Variants in CRPPA observed in about 807,000 individuals in gnomAD.
CRPPA encodes the protein D-ribitol-5-phosphate cytidylyltransferase.
CRPPA carries 43 observed loss-of-function variants against 52.0 expected under a neutral mutation model. The ratio of observed to expected loss-of-function variants is 0.83; its 90% CI spans 0.65 to 1.07. The LOEUF is 1.07. CRPPA is among the 50% of genes least tolerant of loss of function. The pLI, the probability that CRPPA is intolerant of heterozygous loss-of-function variation, is 0.00. For missense variants in CRPPA, 629 were observed against 551.7 expected, an observed-to-expected ratio of 1.14 and a Z score of -1.40; for synonymous variants, 250 against 203.5, an observed-to-expected ratio of 1.23 and a Z score of -1.94.
At chr7:16,214,199 T>C (rs1232499739) in intron 9 of CRPPA, among the ~76,000 whole-genome samples, 1 of 152,226 alleles carries the variant, frequency 6.6e-6, no homozygotes, top group African/African-American at 2.4e-5. Flanking sequence ...ATTTGGGACA[T>C]ACGCTAAAAA....
At chr7:16,199,166 T>C (rs1325359169) in intron 9 of CRPPA, among the ~76,000 whole-genome samples, 1 of 152,150 alleles carries the variant, frequency 6.6e-6, no homozygotes, top group African/African-American at 2.4e-5. Context: ...ACTGGACCAG[T>C]GGTTCTCAAC....
intron 2 of CRPPA, among the ~76,000 whole-genome samples, chr7:16,385,536 C>T (rs1041185474): frequency 1.3e-5 from 2 of 152,148 alleles, no homozygotes; most frequent in Non-Finnish European, 2.9e-5. Flanking sequence ...ACCAGTATTT[C>T]ACACATGAAA....
chr7:16,332,761 A>C (rs1369798889), intron 3 of CRPPA, among the ~76,000 whole-genome samples: 4 of 152,188 alleles, frequency 2.6e-5, no homozygotes, highest in Non-Finnish European at 5.9e-5. Context: ...TATATAAAAT[A>C]GTTTAAAAAT....
At chr7:16,348,983 A>G (rs1786082828) in intron 3 of CRPPA, among the ~76,000 whole-genome samples, 1 of 152,042 alleles carries the variant, frequency 6.6e-6, no homozygotes, top group South Asian at 2.1e-4. Flanking sequence ...ATATAACAGG[A>G]CCCCTTCCAG....
At chr7:16,329,565 C>T (rs1410360627) in intron 3 of CRPPA, among the ~76,000 whole-genome samples, 3 of 152,192 alleles carry the variant, frequency 2.0e-5, no homozygotes, top group East Asian at 1.9e-4. Context: ...GACACATTTA[C>T]GTCAATCTGA....
chr7:16,196,116 A>C (rs1455126389), intron 9 of CRPPA, among the ~76,000 whole-genome samples: 2 of 152,190 alleles, frequency 1.3e-5, no homozygotes, highest in Admixed American at 6.5e-5. Flanking sequence ...TGTGTATAGA[A>C]ATATAGAACA....
chr7:16,179,358 T>C (rs1181316027), intron 9 of CRPPA, among the ~76,000 whole-genome samples: 1 of 152,150 alleles, frequency 6.6e-6, no homozygotes, highest in Non-Finnish European at 1.5e-5. Flanking sequence ...ATGAAAATGT[T>C]GTCACGCACA....
chr7:16,414,401 A>ACC (rs1554367561), intron 1 of CRPPA, among the ~76,000 whole-genome samples: 72 of 134,724 alleles, frequency 5.3e-4, no homozygotes, highest in Middle Eastern at 3.8e-3. Flanking sequence ...ACACACACAC[A>ACC]CCCCATGACA....
intron 6 of CRPPA, among the ~76,000 whole-genome samples, chr7:16,261,613 A>G (rs1186381116): frequency 6.6e-6 from 1 of 151,936 alleles, no homozygotes; most frequent in African/African-American, 2.4e-5. Context: ...TTTTAAGAAA[A>G]GCCGTAACAT....
At chr7:16,094,975 T>A in intron 9 of CRPPA, among the ~76,000 whole-genome samples, 1 of 152,150 alleles carries the variant, frequency 6.6e-6, no homozygotes, top group Middle Eastern at 3.4e-3. Flanking sequence ...TATGGAAATC[T>A]CACTAAACTA....
chr7:16,279,618 G>A (rs901139007), intron 5 of CRPPA, among the ~76,000 whole-genome samples: 1 of 152,218 alleles, frequency 6.6e-6, no homozygotes, highest in African/African-American at 2.4e-5. Flanking sequence ...TCATTGTGGA[G>A]AGAGAAACTG....
intron 3 of CRPPA, among the ~76,000 whole-genome samples, chr7:16,321,079 C>A (rs1313948935): frequency 2.6e-5 from 4 of 152,144 alleles, no homozygotes; most frequent in Non-Finnish European, 5.9e-5. Flanking sequence ...TCAAATTTTT[C>A]TAGCCCCACC....
chr7:16,343,104 A>G (rs1036734838), intron 3 of CRPPA, among the ~76,000 whole-genome samples: 6 of 152,054 alleles, frequency 3.9e-5, no homozygotes, highest in African/African-American at 1.4e-4. Context: ...ATAATAAGTT[A>G]CATTTTACGG....
intron 3 of CRPPA, among the ~76,000 whole-genome samples, chr7:16,361,025 C>T (rs1371665230): frequency 6.6e-6 from 1 of 152,024 alleles, no homozygotes; most frequent in Non-Finnish European, 1.5e-5. Context: ...CAAAAAATAA[C>T]CACCCAATTT....
At chr7:16,408,579 T>G (rs1250890552) in intron 1 of CRPPA, among the ~76,000 whole-genome samples, 4 of 152,148 alleles carry the variant, frequency 2.6e-5, no homozygotes, top group African/African-American at 9.7e-5. Context: ...AGCAGGTGAG[T>G]GCAGTCAGGG....
intron 5 of CRPPA, among the ~76,000 whole-genome samples, chr7:16,298,257 C>A (rs1399333748): frequency 6.6e-6 from 1 of 151,862 alleles, no homozygotes; most frequent in African/African-American, 2.4e-5. Flanking sequence ...TCTAGAAGTA[C>A]AAATTATTCC....
intron 9 of CRPPA, among the ~76,000 whole-genome samples, chr7:16,145,433 T>C (rs1782956147): frequency 6.6e-6 from 1 of 152,090 alleles, no homozygotes; most frequent in African/African-American, 2.4e-5. Flanking sequence ...ACATGAAGAA[T>C]GAGGCAAATA....
At position 16,391,690 on chromosome 7, in the gene CRPPA, C is replaced by T. The variant is rs1165770205; in HGVS notation, c.534+14371G>A. On this transcript the variant is annotated intron_variant, in intron 2 of 9. Coordinates refer to ENST00000407010, the MANE Select transcript of CRPPA (RefSeq NM_001101426.4). The stretch of plus-strand genomic sequence containing the variant: ...TTAGGTACTAGACAGTGGAGTTAGC[C>T]TATTTCCATCACTGCAGAATGTTTT... 2.6e-5 allele frequency among the ~76,000 whole-genome samples: 4 copies of T among 152,140 alleles called. No homozygotes were observed. In the East Asian group the frequency reaches 5.8e-4, roughly 22 times the overall value.
chr7:16,387,068 TATATATATATATATATATACAC>T (rs1436331607), intron 2 of CRPPA, among the ~76,000 whole-genome samples: 703 of 68,704 alleles, frequency 0.01, 10 homozygotes, highest in South Asian at 0.054. Context: ...TATATATATA[TATATATATATATATATATACAC>T]ACATATATAT....
Sources: allele counts gnomAD v4.1 joint callset (sites outside exome capture counted in the v4.1 genomes callset), GRCh38; gene constraint gnomAD v4.1.1; transcripts MANE v1.5; gene names NCBI Gene and HGNC (gene_info 2026-07-23, HGNC 2026-07-21).